CIDEA: variants seen among roughly 807,000 people sequenced by gnomAD.
The protein encoded by CIDEA is lipid transferase CIDEA.
A neutral mutation model predicts 18.2 loss-of-function variants in CIDEA; 10 were observed. That is an observed-to-expected ratio of 0.55 (90% confidence interval 0.34 to 0.93). The LOEUF is 0.93. Ranked by LOEUF, CIDEA falls within the 40% of genes least tolerant of loss-of-function variation. The probability of loss-of-function intolerance (pLI) is 0.02; values close to 1 mark genes in which losing one functional copy is unlikely to be tolerated. For synonymous variants in CIDEA, 128 were observed against 124.8 expected, an observed-to-expected ratio of 1.03 and a Z score of -0.17; for missense variants, 309 against 293.1, an observed-to-expected ratio of 1.05 and a Z score of -0.40.
rs1285349657 is a variant in CIDEA, at chr18:12,268,230, ATT to A, written c.330+3798_330+3799del. Among the ~76,000 whole-genome samples the A allele has an allele frequency of 7.5e-3, 862 of 114,620 alleles. 7 individuals carry two copies. The highest frequency in any genetic ancestry group is 0.029 in the African/African-American group (822 of 28,500). The allele number at this position is 114,620 out of a possible 152,430, so 75.2% of individuals were successfully genotyped here. A position where few individuals can be genotyped will look rare whatever the true frequency, so the allele number is the denominator to read the frequency against. On this transcript the variant is annotated intron_variant, in intron 3 of 4. Transcript: ENST00000320477. ...CAAGTGCCTGCCACCATGCCCGGCC[ATT>A]TTTTTTTTTTTTTTTTTTTTCATTT...
Position 12,274,159 on chromosome 18 carries a change from T to C in CIDEA, c.397T>C (p.Leu133=). 5 of 1,614,218 alleles carry C rather than the reference T, an allele frequency of 3.1e-6. No homozygotes were observed. The highest frequency in any genetic ancestry group is 3.3e-4 in the Middle Eastern group (2 of 6,062). ...RSGIARVTFD[L]YRLNPKDFIG... ...GGGAATAGCGAGAGTCACCTTCGAC[T>C]TGTACAGGCTGAACCCCAAGGACTT... Residue 133 remains leucine (L), a synonymous_variant, in exon 4 of 5, where the codon TTG becomes CTG. Transcript: ENST00000320477.
At chr18:12,265,450 C>A (rs1279422420) in intron 3 of CIDEA, among the ~76,000 whole-genome samples, 2 of 152,226 alleles carry the variant, frequency 1.3e-5, no homozygotes, top group African/African-American at 4.8e-5. Flanking sequence ...GGACAGGAGA[C>A]AGCCTCCAGC....
At chr18:12,267,781 C>T (rs575037805) in intron 3 of CIDEA, among the ~76,000 whole-genome samples, 2 of 152,316 alleles carry the variant, frequency 1.3e-5, no homozygotes, top group South Asian at 4.1e-4. Flanking sequence ...AGGCATGAGC[C>T]ACCACACCCG....
At chr18:12,256,948 G>C (rs1008580925) in intron 1 of CIDEA, among the ~76,000 whole-genome samples, 1 of 152,166 alleles carries the variant, frequency 6.6e-6, no homozygotes, top group Non-Finnish European at 1.5e-5. Flanking sequence ...TTATCTGGGG[G>C]GTAGGTGTGC....
chr18:12,270,761 G>A (rs766065968), intron 3 of CIDEA, among the ~76,000 whole-genome samples: 8 of 149,650 alleles, frequency 5.3e-5, no homozygotes, highest in Non-Finnish European at 8.9e-5. Context: ...ATTGTGGGGT[G>A]AATTAGACAA....
intron 3 of CIDEA, among the ~76,000 whole-genome samples, chr18:12,265,933 A>T (rs748175118): frequency 6.6e-6 from 1 of 152,228 alleles, no homozygotes; most frequent in Non-Finnish European, 1.5e-5. Context: ...ATGCTCACCC[A>T]TGGCTAAGTT....
intron 1 of CIDEA, among the ~76,000 whole-genome samples, chr18:12,256,587 C>A (rs1912041693): frequency 6.6e-6 from 1 of 152,222 alleles, no homozygotes; most frequent in Non-Finnish European, 1.5e-5. Flanking sequence ...AACATTCCTG[C>A]CAAACGCTGA....
chr18:12,262,694 T>A (rs2144066318), intron 1 of CIDEA, 131 bp from the exon 2 acceptor site: 1 of 856,030 alleles, frequency 1.2e-6, no homozygotes, highest in East Asian at 2.6e-5. Context: ...TATATATAAT[T>A]TTTAGTAATC....
rs999173572 is a variant in CIDEA at position 12,264,614 on chromosome 18, C to T, written c.330+161C>T. ...TGTCACCCAGGCTGGAGTGCAGTGG[C>T]GCGATCTCGGCTCACTGCAAGCTCC... On this transcript the variant is annotated intron_variant, in intron 3 of 4. Coordinates refer to ENST00000320477, the MANE Select transcript of CIDEA (RefSeq NM_001279.4). Among the ~76,000 whole-genome samples the T allele has an allele frequency of 4.1e-4, 62 of 151,540 alleles. 1 individual carries two copies. The highest frequency in any genetic ancestry group is 1.1e-3 in the Admixed American group (16 of 15,186).
intron 1 of CIDEA, among the ~76,000 whole-genome samples, chr18:12,257,998 C>A (rs920178521): frequency 6.6e-6 from 1 of 152,172 alleles, no homozygotes; most frequent in African/African-American, 2.4e-5. Context: ...CATTCAACCC[C>A]TTTCTGTGTT....
intron 1 of CIDEA, among the ~76,000 whole-genome samples, chr18:12,260,375 A>AG (rs34453852): frequency 0.38 from 57,662 of 151,700 alleles, 12,435 homozygotes; most frequent in East Asian, 0.62. Context: ...TGTAAAGATG[A>AG]GGGTCTCACT....
intron 4 of CIDEA, among the ~76,000 whole-genome samples, chr18:12,275,663 C>G (rs1440836506): frequency 6.6e-6 from 1 of 152,148 alleles, no homozygotes; most frequent in Non-Finnish European, 1.5e-5. Context: ...GTGCTGAGCA[C>G]AGCAAAGGGG....
chr18:12,275,454 C>T (rs924848281), intron 4 of CIDEA, among the ~76,000 whole-genome samples: 2 of 152,196 alleles, frequency 1.3e-5, no homozygotes, highest in Non-Finnish European at 2.9e-5. Context: ...GTAAATTTAC[C>T]GTTGATCCTT....
chr18:12,270,894 CTT>C (rs771335202), intron 3 of CIDEA, among the ~76,000 whole-genome samples: 2,549 of 60,016 alleles, frequency 0.042, 27 homozygotes, highest in Non-Finnish European at 0.054. Context: ...TTTTTCTTTT[CTT>C]TTTTTTTTTT....
At chr18:12,266,370 A>G (rs957679205) in intron 3 of CIDEA, among the ~76,000 whole-genome samples, 3 of 152,130 alleles carry the variant, frequency 2.0e-5, no homozygotes, top group Admixed American at 1.3e-4. Flanking sequence ...CGGGAGAACC[A>G]CTTGCTCCTG....
intron 1 of CIDEA, among the ~76,000 whole-genome samples, chr18:12,258,761 A>G (rs1912108501): frequency 6.6e-6 from 1 of 152,200 alleles, no homozygotes; most frequent in African/African-American, 2.4e-5. Context: ...TGTAAGGTGG[A>G]TCCCAAGGAG....
intron 3 of CIDEA, among the ~76,000 whole-genome samples, chr18:12,264,755 G>A (rs567695869): frequency 4.0e-5 from 6 of 151,854 alleles, no homozygotes; most frequent in African/African-American, 1.2e-4. Flanking sequence ...GGGTTTCACC[G>A]TGTTAGCCAG....
rs185090196 is a variant in CIDEA, at chr18:12,268,049, T to C, written c.330+3596T>C. ...AGATAGATATAGATATTCCCAATAG[T>C]CAAAATTGTTTTTTGTTTGTTTGCT... On this transcript the variant is annotated intron_variant, in intron 3 of 4. Coordinates refer to ENST00000320477, the MANE Select transcript of CIDEA (RefSeq NM_001279.4). Among the ~76,000 whole-genome samples, 424 of 152,186 alleles carry C rather than the reference T, an allele frequency of 2.8e-3. 2 individuals are homozygous for C. Among genetic ancestry groups the C allele is most frequent in the African/African-American group, 8.8e-3 (364 of 41,538 alleles).
At chr18:12,254,882 CAG>C (rs1911981224) in intron 1 of CIDEA, 1 of 1,302,366 alleles carries the variant, frequency 7.7e-7, no homozygotes, top group African/African-American at 1.5e-5. Context: ...GGGAGGGGCC[CAG>C]GCTTGGCCCC....
Sources: allele counts gnomAD v4.1 joint callset (sites outside exome capture counted in the v4.1 genomes callset), GRCh38; gene constraint gnomAD v4.1.1; transcripts MANE v1.5; gene names NCBI Gene and HGNC (gene_info 2026-07-23, HGNC 2026-07-21).